The following XKR6 variants were observed in gnomAD, a reference collection of about 807,000 sequenced individuals.
The protein encoded by XKR6 is XK-related protein 6.
In XKR6, 22 loss-of-function variants were observed where a neutral mutation model predicts 56.7. That is an observed-to-expected ratio of 0.39 (90% CI 0.28 to 0.55). XKR6 has a LOEUF of 0.55. XKR6 is among the 20% of genes least tolerant of loss of function. XKR6 has a pLI of 0.66. For synonymous variants in XKR6, 524 were observed against 387.8 expected (o/e 1.35, Z -4.13); for missense variants, 852 against 889.0 (o/e 0.96, Z 0.53).
At chr8:10,914,650 G>C (rs894012356) in intron 2 of XKR6, among the ~76,000 whole-genome samples, 2 of 152,210 alleles carry the variant, frequency 1.3e-5, no homozygotes, top group African/African-American at 2.4e-5. Flanking sequence ...AGATTGGAGA[G>C]ATCTGAGCAG....
At chr8:11,129,773 G>A (rs1025497894) in intron 1 of XKR6, among the ~76,000 whole-genome samples, 25 of 151,542 alleles carry the variant, frequency 1.6e-4, no homozygotes, top group African/African-American at 6.1e-4. Flanking sequence ...AAACAGGACA[G>A]AGGGATCTTT....
chr8:11,049,314 C>T (rs994816079), intron 1 of XKR6, among the ~76,000 whole-genome samples: 3 of 152,322 alleles, frequency 2.0e-5, no homozygotes, highest in East Asian at 3.9e-4. Context: ...TCTATCTGTT[C>T]CCCCTTTTCT....
At chr8:10,904,606 C>A (rs1028936635) in intron 2 of XKR6, among the ~76,000 whole-genome samples, 3 of 152,058 alleles carry the variant, frequency 2.0e-5, no homozygotes, top group African/African-American at 7.2e-5. Flanking sequence ...CAAGGAGGTG[C>A]CACGGAAGGG....
At chr8:11,132,632 G>A (rs1800160812) in intron 1 of XKR6, among the ~76,000 whole-genome samples, 1 of 151,940 alleles carries the variant, frequency 6.6e-6, no homozygotes, top group African/African-American at 2.4e-5. Flanking sequence ...AAAGTGCTGG[G>A]ATGACACGTA....
intron 1 of XKR6, among the ~76,000 whole-genome samples, chr8:10,925,477 G>T (rs1370812132): frequency 6.6e-6 from 1 of 152,132 alleles, no homozygotes; most frequent in Non-Finnish European, 1.5e-5. Context: ...ACATCAGGGG[G>T]ACCCAGGGCC....
intron 1 of XKR6, among the ~76,000 whole-genome samples, chr8:11,113,054 T>C (rs778918747): frequency 6.6e-6 from 1 of 152,220 alleles, no homozygotes; most frequent in African/African-American, 2.4e-5. Flanking sequence ...ATTTGCCTTC[T>C]GTAGCACCCT....
chr8:11,163,400 CTT>C (rs35847936), intron 1 of XKR6, among the ~76,000 whole-genome samples: 9,967 of 152,196 alleles, frequency 0.065, 755 homozygotes, highest in African/African-American at 0.19. Context: ...GACTTTATCT[CTT>C]GTCACCATTA....
At chr8:11,060,302 C>T (rs776899119) in intron 1 of XKR6, among the ~76,000 whole-genome samples, 5 of 152,180 alleles carry the variant, frequency 3.3e-5, no homozygotes, top group East Asian at 3.8e-4. Context: ...CTTTCCCTTC[C>T]TCCCGCCTCC....
At chr8:11,048,247 G>C (rs1366887322) in intron 1 of XKR6, among the ~76,000 whole-genome samples, 3 of 152,094 alleles carry the variant, frequency 2.0e-5, no homozygotes, top group African/African-American at 7.2e-5. Context: ...CATCAGCAAG[G>C]GGAATCCGGC....
chr8:11,091,653 C>T (rs537418031), intron 1 of XKR6, among the ~76,000 whole-genome samples: 20 of 151,978 alleles, frequency 1.3e-4, no homozygotes, highest in African/African-American at 2.9e-4. Flanking sequence ...CCTGAGATGC[C>T]GGTGTTAAGT....
chr8:11,190,112 G>A (rs538575155), intron 1 of XKR6, among the ~76,000 whole-genome samples: 60 of 151,060 alleles, frequency 4.0e-4, no homozygotes, highest in Admixed American at 1.4e-3. Flanking sequence ...AGCCGAGATC[G>A]CGCCACCGCA....
At chr8:11,035,277 C>A (rs779578147) in intron 1 of XKR6, 9 of 534,780 alleles carry the variant, frequency 1.7e-5, no homozygotes. Context: ...TCGGGATCAC[C>A]GCCAGCATCA....
chr8:10,980,773 A>G (rs1797713593), intron 1 of XKR6, among the ~76,000 whole-genome samples: 1 of 152,192 alleles, frequency 6.6e-6, no homozygotes, highest in Non-Finnish European at 1.5e-5. Flanking sequence ...ATCTATCTAT[A>G]TACCACGGAT....
At position 11,047,784 on chromosome 8, in the gene XKR6, T is replaced by C. The variant is rs146999889; in HGVS notation, c.765-122954A>G. ...TAGTTAAAATGGTAAATTTAATATA[T>C]GTATTTTACCATAAAAAAATTGGCC... On this transcript the variant is annotated intron_variant, in intron 1 of 2. Coordinates refer to ENST00000416569, the MANE Select transcript of XKR6 (RefSeq NM_173683.4). 3.3e-3 allele frequency among the ~76,000 whole-genome samples: 504 copies of C among 152,324 alleles called. 4 individuals are homozygous for C. Among genetic ancestry groups the C allele is most frequent in the African/African-American group, 0.011 (467 of 41,572 alleles).
intron 1 of XKR6, among the ~76,000 whole-genome samples, chr8:11,134,108 T>C (rs746054353): frequency 2.0e-5 from 3 of 152,144 alleles, no homozygotes; most frequent in Non-Finnish European, 2.9e-5. Flanking sequence ...CCTGGTTCAT[T>C]TGGAGAACTC....
intron 1 of XKR6, among the ~76,000 whole-genome samples, chr8:10,960,295 C>G (rs1292703034): frequency 2.0e-5 from 3 of 151,276 alleles, no homozygotes; most frequent in Non-Finnish European, 4.4e-5. Context: ...GGGTCAGGAA[C>G]AGCAGAGGTA....
At chr8:10,933,474 C>A (rs1339383304) in intron 1 of XKR6, among the ~76,000 whole-genome samples, 1 of 128,658 alleles carries the variant, frequency 7.8e-6, no homozygotes, top group Non-Finnish European at 1.7e-5. Context: ...TCCTTGCCCA[C>A]GCCTATGTCC....
chr8:11,161,417 CATG>C (rs1801802791), intron 1 of XKR6, among the ~76,000 whole-genome samples: 1 of 152,204 alleles, frequency 6.6e-6, no homozygotes. Flanking sequence ...TGCCTTTGCT[CATG>C]ATGTCCCTAA....
chr8:11,168,762 A>G (rs1052265141), intron 1 of XKR6, among the ~76,000 whole-genome samples: 1 of 152,166 alleles, frequency 6.6e-6, no homozygotes, highest in Non-Finnish European at 1.5e-5. Context: ...CAGCCTGAAA[A>G]ATCAGGCTGC....
Sources: gnomAD v4.1 joint callset for allele counts (sites outside exome capture counted in the v4.1 genomes callset) on GRCh38, gnomAD v4.1.1 for gene constraint, MANE v1.5 for transcripts, NCBI Gene and HGNC (gene_info 2026-07-23, HGNC 2026-07-21) for gene names.